ATF3: variants seen among roughly 807,000 people sequenced by gnomAD.
ATF3 encodes cyclic AMP-dependent transcription factor ATF-3.
Under a neutral mutation model 18.4 loss-of-function variants are expected in ATF3, and 10 were observed. That is an observed-to-expected ratio of 0.54 (90% confidence interval 0.34 to 0.92). The LOEUF (loss-of-function observed/expected upper bound fraction) is 0.92. ATF3 is among the 40% of genes least tolerant of loss of function. ATF3 has a pLI of 0.02. For missense variants in ATF3, 183 were observed against 222.3 expected, an observed-to-expected ratio of 0.82 and a Z score of 1.12; for synonymous variants, 78 against 87.9, an observed-to-expected ratio of 0.89 and a Z score of 0.63.
chr1:212,613,217 T>G (rs1654969000), intron 1 of ATF3, among the ~76,000 whole-genome samples: 1 of 151,798 alleles, frequency 6.6e-6, no homozygotes. Flanking sequence ...TTAAACAGAG[T>G]TCAGTTTATC....
At chr1:212,591,595 T>C (rs1186280519) in intron 1 of ATF3, among the ~76,000 whole-genome samples, 3 of 152,136 alleles carry the variant, frequency 2.0e-5, no homozygotes, top group African/African-American at 7.2e-5. Flanking sequence ...TCAGCTACGT[T>C]TGTGGGCAGA....
At position 212,618,186 on chromosome 1, in the gene ATF3, T is replaced by C; in HGVS notation, c.300T>C (p.Ala100=). 1.2e-6 allele frequency: 2 copies of C among 1,614,146 alleles called. No homozygotes were observed. Among genetic ancestry groups the C allele is most frequent in the East Asian group, 2.2e-5 (1 of 44,888 alleles). Residue 100 remains alanine, a synonymous_variant, in exon 3 of 4, where the codon GCT becomes GCC. Transcript: ENST00000341491. This position sits in a 1 kb window ranked among gnomAD's most constrained non-coding sequence, Gnocchi z 4.4. ...KRRRERNKIA[A]AKCRNKKKEK... The stretch of plus-strand genomic sequence containing the variant: ...GACGAGAAAGAAATAAGATTGCAGC[T>C]GCAAAGTGCCGAAACAAGAAGAAGG...
Position 212,620,717 on chromosome 1 carries a change from T to C in ATF3, c.*1162T>C, listed in dbSNP as rs540432902. 3.3e-5 allele frequency: 5 copies of C among 152,750 alleles called. No individual in the cohort carries two copies. Among genetic ancestry groups the C allele is most frequent in the African/African-American group, 1.2e-4 (5 of 41,554 alleles). 9.5% of individuals were successfully genotyped at this position (152,750 alleles called of 1,614,324 possible). A position where few individuals can be genotyped will look rare whatever the true frequency, so the allele number is the denominator to read the frequency against. ...TTTCTGTAAGAGAAAATATTACTTA[T>C]TTATCCTAGTATTCCTAACCTGTCA... On this transcript the variant is annotated 3_prime_UTR_variant, in exon 4 of 4. Transcript: ENST00000341491.
chr1:212,573,221 T>G (rs1664516377), intron 1 of ATF3, among the ~76,000 whole-genome samples: 1 of 152,164 alleles, frequency 6.6e-6, no homozygotes, highest in Non-Finnish European at 1.5e-5. Context: ...TGCCTTAGTA[T>G]TTCATCCTTA....
intron 2 of ATF3, among the ~76,000 whole-genome samples, chr1:212,616,550 G>A (rs1360208055): frequency 6.6e-6 from 1 of 151,968 alleles, no homozygotes. Context: ...CGCCCGCCTC[G>A]GCCTCCCAAA....
At chr1:212,609,639 A>G (rs1312628008) in intron 1 of ATF3, among the ~76,000 whole-genome samples, 1 of 152,172 alleles carries the variant, frequency 6.6e-6, no homozygotes, top group East Asian at 1.9e-4. Context: ...GCTCCCGGCA[A>G]CGGCTGGTGT....
intron 1 of ATF3, among the ~76,000 whole-genome samples, chr1:212,595,008 G>T (rs1664963077): frequency 3.9e-5 from 6 of 152,186 alleles, no homozygotes; most frequent in Admixed American, 2.6e-4. Context: ...TTGCAGGGTT[G>T]TCAATTATTG....
At position 212,619,691 on chromosome 1, in the gene ATF3, G is replaced by A; in HGVS notation, c.*136G>A. The A allele has an allele frequency of 1.6e-6, 2 of 1,258,242 alleles. No homozygotes were observed. The highest frequency in any genetic ancestry group is 2.2e-6 in the Non-Finnish European group (2 of 903,050). The allele number at this position is 1,258,242 out of a possible 1,614,324, so 77.9% of individuals were successfully genotyped here. A position where few individuals can be genotyped will look rare whatever the true frequency, so the allele number is the denominator to read the frequency against. On this transcript the variant is annotated 3_prime_UTR_variant, in exon 4 of 4. Coordinates refer to ENST00000341491, the MANE Select transcript of ATF3 (RefSeq NM_001674.4). This position sits in a 1 kb window ranked among gnomAD's most constrained non-coding sequence, Gnocchi z 4.4. Reference sequence around the variant, plus strand: ...AGCAGAGAACCATCAAGGCGGGAGGGCCTGCAGTGATTCAGCAGGCCCTTC... The same window carrying A: ...AGCAGAGAACCATCAAGGCGGGAGGACCTGCAGTGATTCAGCAGGCCCTTC...
chr1:212,594,683 G>A (rs765581469), intron 1 of ATF3, among the ~76,000 whole-genome samples: 1 of 152,200 alleles, frequency 6.6e-6, no homozygotes, highest in Non-Finnish European at 1.5e-5. Context: ...AAACTGCCCA[G>A]ACTCTTTATT....
Position 212,614,969 on chromosome 1 carries a change from C to T in ATF3, c.-4-49C>T, listed in dbSNP as rs192198150. On this transcript the variant is annotated intron_variant, in intron 1 of 3. Coordinates refer to ENST00000341491, the MANE Select transcript of ATF3 (RefSeq NM_001674.4). ...TCTGGTGGGGGAGGGGGACTTGATC[C>T]CATGCCCCAGAGCCCCTGAAACAGT... is the stretch of plus-strand genomic sequence containing the variant. The T allele has an allele frequency of 5.6e-6, 9 of 1,613,950 alleles. No homozygotes were observed. In the East Asian group the frequency reaches 2.0e-4, roughly 36 times the overall value.
intron 1 of ATF3, among the ~76,000 whole-genome samples, chr1:212,578,221 T>C (rs1327096361): frequency 6.6e-6 from 1 of 152,248 alleles, no homozygotes; most frequent in African/African-American, 2.4e-5. Flanking sequence ...TCAGCCATTA[T>C]GTCTTTAAAT....
intron 1 of ATF3, among the ~76,000 whole-genome samples, chr1:212,589,509 G>C (rs947034863): frequency 6.6e-6 from 1 of 151,988 alleles, no homozygotes; most frequent in Non-Finnish European, 1.5e-5. Flanking sequence ...TTGGGGGAAA[G>C]GAATAAGAGA....
intron 1 of ATF3, among the ~76,000 whole-genome samples, chr1:212,591,608 T>G (rs567971286): frequency 7.9e-5 from 12 of 152,346 alleles, no homozygotes; most frequent in Non-Finnish European, 1.6e-4. Context: ...TGGGCAGATT[T>G]GCACTGTATT....
intron 1 of ATF3, among the ~76,000 whole-genome samples, chr1:212,599,959 G>A (rs895124604): frequency 2.0e-5 from 3 of 152,274 alleles, no homozygotes; most frequent in African/African-American, 7.2e-5. Context: ...GCCCCCGAAA[G>A]TGAGGGAAGC....
At position 212,619,344 on chromosome 1, in the gene ATF3, T is replaced by G; in HGVS notation, c.349-14T>G. 1 of 1,612,962 alleles carries G rather than the reference T, an allele frequency of 6.2e-7. No individual in the cohort carries two copies. Among genetic ancestry groups the G allele is most frequent in the South Asian group, 1.1e-5 (1 of 91,006 alleles). ...TTGGCTCCTTTCTTGATGCCTCTGT[T>G]GCTTGTCCCCCAGGAGTCGGAGAAG... On this transcript the variant is annotated splice_polypyrimidine_tract_variant and intron_variant, in intron 3 of 3. Coordinates refer to ENST00000341491, the MANE Select transcript of ATF3 (RefSeq NM_001674.4). The surrounding 1 kb of genome is among the most constrained non-coding windows in gnomAD (Gnocchi z 4.4).
At chr1:212,609,927 A>G (rs967612709) in intron 1 of ATF3, among the ~76,000 whole-genome samples, 1 of 152,228 alleles carries the variant, frequency 6.6e-6, no homozygotes, top group African/African-American at 2.4e-5. Flanking sequence ...TGGTTGGACC[A>G]GATAACTACT....
chr1:212,582,327 C>T (rs142094904), intron 1 of ATF3, among the ~76,000 whole-genome samples: 34 of 152,296 alleles, frequency 2.2e-4, no homozygotes, highest in African/African-American at 7.9e-4. Flanking sequence ...TTGGTGAGCT[C>T]GTATTAATGC....
At chr1:212,591,210 C>A (rs2102633892) in intron 1 of ATF3, among the ~76,000 whole-genome samples, 1 of 152,266 alleles carries the variant, frequency 6.6e-6, no homozygotes, top group East Asian at 1.9e-4. Flanking sequence ...GTGTTAAGAC[C>A]CATCTTCCTA....
At chr1:212,592,156 T>C (rs1401238095) in intron 1 of ATF3, among the ~76,000 whole-genome samples, 1 of 142,898 alleles carries the variant, frequency 7.0e-6, no homozygotes, top group East Asian at 2.0e-4. Context: ...AACTCCTCAT[T>C]TCTCCCTCAA....
Sources: allele counts gnomAD v4.1 joint callset (sites outside exome capture counted in the v4.1 genomes callset), GRCh38; gene constraint gnomAD v4.1.1; non-coding constraint Gnocchi (gnomAD v3.1); transcripts MANE v1.5; gene names NCBI Gene and HGNC (gene_info 2026-07-23, HGNC 2026-07-21).